Variants in GAPVD1 observed in about 807,000 individuals in gnomAD.
GAPVD1 encodes GTPase activating protein and VPS9 domains 1.
In GAPVD1, 35 loss-of-function variants were observed where a neutral mutation model predicts 155.5. The ratio of observed to expected loss-of-function variants is 0.23; its 90% confidence interval spans 0.17 to 0.30. The LOEUF is 0.30. Ranked by LOEUF, GAPVD1 falls within the 10% of genes least tolerant of loss-of-function variation. GAPVD1 has a pLI of 1.00. For synonymous variants in GAPVD1, 636 were observed against 619.7 expected (o/e 1.03, Z -0.39); for missense variants, 1,429 against 1,775.7 (o/e 0.80, Z 3.51).
At chr9:125,263,980 G>C in intron 1 of GAPVD1, 1 of 1,381,132 alleles carries the variant, frequency 7.2e-7, no homozygotes, top group South Asian at 1.2e-5. Flanking sequence ...TGACATGAAG[G>C]TTGGGCACGT....
chr9:125,279,525 C>T (rs1836376770), intron 2 of GAPVD1, among the ~76,000 whole-genome samples: 2 of 145,996 alleles, frequency 1.4e-5, no homozygotes, highest in South Asian at 2.2e-4. Context: ...GAGCCGAGAT[C>T]GTGCCATTGT....
chr9:125,333,549 C>T (rs1459269949), intron 15 of GAPVD1, among the ~76,000 whole-genome samples: 7 of 137,962 alleles, frequency 5.1e-5, no homozygotes, highest in South Asian at 2.2e-4. Context: ...AGTGCAATGG[C>T]GCAATCTCGG....
intron 9 of GAPVD1, among the ~76,000 whole-genome samples, chr9:125,321,185 C>T (rs1457562219): frequency 6.6e-6 from 1 of 152,162 alleles, no homozygotes; most frequent in East Asian, 1.9e-4. Flanking sequence ...CACCACTACT[C>T]ATCTGGTAGT....
In GAPVD1 at chr9:125,307,487, T is replaced by A; in HGVS notation, c.1191T>A (p.Asn397Lys). 6.2e-7 allele frequency: 1 copy of A among 1,611,512 alleles called. No individual in the cohort carries two copies. The highest frequency in any genetic ancestry group is 8.5e-7 in the Non-Finnish European group (1 of 1,177,636). The change falls in exon 7 of 28, where the codon AAT (asparagine) becomes AAA (lysine). Residue 397 changes from asparagine (N) to lysine (K), a missense_variant. Coordinates refer to ENST00000297933, the MANE Select transcript of GAPVD1 (RefSeq NM_001282680.3). ...AVETPPLSSVNLLEGLSRTVV... is the reference protein window; with the variant it reads ...AVETPPLSSVKLLEGLSRTVV... The stretch of plus-strand genomic sequence containing the variant: ...AGACCCCTCCATTGTCTTCCGTCAA[T>A]CTTCTGGAAGGATTGAGCAGAACTG...
intron 3 of GAPVD1, among the ~76,000 whole-genome samples, chr9:125,298,542 G>T (rs1840261241): frequency 7.6e-6 from 1 of 131,530 alleles, no homozygotes; most frequent in African/African-American, 2.9e-5. Context: ...AGGCTGGGGT[G>T]CAGTGATGCA....
At chr9:125,310,908 C>A (rs532441122) in intron 8 of GAPVD1, among the ~76,000 whole-genome samples, 40 of 151,312 alleles carry the variant, frequency 2.6e-4, no homozygotes, top group African/African-American at 8.7e-4. Flanking sequence ...ACTGCGATCT[C>A]GGCTCACTGC....
chr9:125,277,344 TGAG>T (rs1835947189), intron 2 of GAPVD1, among the ~76,000 whole-genome samples: 1 of 152,108 alleles, frequency 6.6e-6, no homozygotes. Flanking sequence ...TGAACCCAAA[TGAG>T]GAAATATCTG....
intron 19 of GAPVD1, among the ~76,000 whole-genome samples, chr9:125,343,194 CTTT>C (rs775104266): frequency 1.4e-5 from 2 of 141,978 alleles, no homozygotes; most frequent in Non-Finnish European, 1.5e-5. Flanking sequence ...TGCAGGAACC[CTTT>C]TTTTTTTTTT....
intron 15 of GAPVD1, among the ~76,000 whole-genome samples, chr9:125,333,990 C>A (rs1219039660): frequency 6.6e-6 from 1 of 152,126 alleles, no homozygotes; most frequent in Non-Finnish European, 1.5e-5. Flanking sequence ...TGTCTCTAGA[C>A]ATTGCCAAAT....
intron 2 of GAPVD1, among the ~76,000 whole-genome samples, chr9:125,276,656 T>C (rs894853415): frequency 6.6e-6 from 1 of 152,192 alleles, no homozygotes; most frequent in Non-Finnish European, 1.5e-5. Context: ...ACCATTGCAC[T>C]CTAGCCTGGA....
chr9:125,305,000 A>G, intron 5 of GAPVD1, 63 bp from the exon 6 acceptor site: 13 of 1,033,538 alleles, frequency 1.3e-5, no homozygotes, highest in Middle Eastern at 4.1e-4. Flanking sequence ...TTGCTTTCAT[A>G]GAGACGTATT....
At chr9:125,269,946 T>TGCTCTC (rs1834621389) in intron 2 of GAPVD1, among the ~76,000 whole-genome samples, 1 of 151,806 alleles carries the variant, frequency 6.6e-6, no homozygotes, top group Admixed American at 6.6e-5. Flanking sequence ...CTTGAACTCC[T>TGCTCTC]ACTCTCAAGT....
At chr9:125,262,659 T>C (rs1180998422) in intron 1 of GAPVD1, among the ~76,000 whole-genome samples, 1 of 152,206 alleles carries the variant, frequency 6.6e-6, no homozygotes, top group African/African-American at 2.4e-5. Flanking sequence ...TCAGTGTTTT[T>C]ATTTTTAAAT....
intron 8 of GAPVD1, 41 bp from the exon 9 acceptor site, chr9:125,312,411 G>A: frequency 7.5e-7 from 1 of 1,335,172 alleles, no homozygotes; most frequent in Admixed American, 2.5e-5. Context: ...TTCTTCATTT[G>A]TCTATTTCTC....
chr9:125,357,864 A>G (rs1046296497), intron 25 of GAPVD1, among the ~76,000 whole-genome samples: 1 of 151,498 alleles, frequency 6.6e-6, no homozygotes, highest in Non-Finnish European at 1.5e-5. Flanking sequence ...CATGCCAGCT[A>G]CTTGGGAGAC....
At chr9:125,342,727 TC>T (rs1319706484) in intron 19 of GAPVD1, among the ~76,000 whole-genome samples, 31 of 152,240 alleles carry the variant, frequency 2.0e-4, no homozygotes. Context: ...TACAGTTTGT[TC>T]TTGATTATTC....
Position 125,312,582 on chromosome 9 carries a change from G to A in GAPVD1, c.1572G>A (p.Gln524=), listed in dbSNP as rs1481903787. 1 of 1,596,194 alleles carries A rather than the reference G, an allele frequency of 6.3e-7. No homozygotes were observed. Among genetic ancestry groups the A allele is most frequent in the East Asian group, 2.3e-5 (1 of 44,442 alleles). Residue 524 remains glutamine (Q), a synonymous_variant, in exon 9 of 28, where the codon CAG becomes CAA. Coordinates refer to ENST00000297933, the MANE Select transcript of GAPVD1 (RefSeq NM_001282680.3). ...VLVISLGTGP[Q]LTPGMMSENE... ...TCATTTCCTTAGGTACAGGTCCCCA[G>A]CTTACTCCAGGGATGATGTCAGAAA...
At chr9:125,268,019 C>T (rs1456656664) in intron 1 of GAPVD1, among the ~76,000 whole-genome samples, 1 of 151,808 alleles carries the variant, frequency 6.6e-6, no homozygotes, top group Non-Finnish European at 1.5e-5. Context: ...AAAAAATTAG[C>T]TGGGCGTGGT....
At chr9:125,280,397 A>C (rs1428390235) in intron 2 of GAPVD1, among the ~76,000 whole-genome samples, 6 of 29,116 alleles carry the variant, frequency 2.1e-4, no homozygotes, top group South Asian at 9.9e-4. Context: ...AGTCCATCTC[A>C]AAAAAAAAAA....
Sources: gnomAD v4.1 joint callset for allele counts (sites outside exome capture counted in the v4.1 genomes callset) on GRCh38, gnomAD v4.1.1 for gene constraint, MANE v1.5 for transcripts, NCBI Gene and HGNC (gene_info 2026-07-23, HGNC 2026-07-21) for gene names.